DNAH14: variants seen among roughly 807,000 people sequenced by gnomAD.
DNAH14 encodes dynein axonemal heavy chain 14.
Under a neutral mutation model 520.9 loss-of-function variants are expected in DNAH14, and 478 were observed. The ratio of observed to expected loss-of-function variants is 0.92; its 90% CI spans 0.85 to 0.99. The LOEUF is 0.99. Ranked by LOEUF, DNAH14 falls within the 50% of genes least tolerant of loss-of-function variation. DNAH14 has a pLI of 0.00. For synonymous variants in DNAH14, 1,581 were observed against 1,757.2 expected (o/e 0.90, Z 2.51); for missense variants, 4,831 against 5,234.5 (o/e 0.92, Z 2.38).
intron 41 of DNAH14, among the ~76,000 whole-genome samples, chr1:225,225,062 C>T (rs2090412784): frequency 6.6e-6 from 1 of 152,200 alleles, no homozygotes; most frequent in Non-Finnish European, 1.5e-5. Flanking sequence ...TACGACATCA[C>T]TGCTTGACCA....
At chr1:225,085,008 A>C (rs565357523) in intron 20 of DNAH14, among the ~76,000 whole-genome samples, 2 of 152,176 alleles carry the variant, frequency 1.3e-5, no homozygotes, top group East Asian at 3.9e-4. Flanking sequence ...ACCATCCTTA[A>C]TAATTCATCT....
chr1:225,315,429 G>A (rs939430874), intron 60 of DNAH14, among the ~76,000 whole-genome samples: 1 of 151,906 alleles, frequency 6.6e-6, no homozygotes, highest in African/African-American at 2.4e-5. Flanking sequence ...ACCTTCTGAA[G>A]CCTACTTTTG....
Position 225,064,525 on chromosome 1 carries a change from A to G in DNAH14, c.2424+12730A>G, listed in dbSNP as rs939259638. Among the ~76,000 whole-genome samples, 5 of 152,136 alleles carry G rather than the reference A, an allele frequency of 3.3e-5. No homozygotes were observed. The South Asian group carries it at 8.3e-4, about 25-fold the overall frequency. On this transcript the variant is annotated intron_variant, in intron 17 of 85. Coordinates refer to ENST00000682510, the MANE Select transcript of DNAH14 (RefSeq NM_001367479.1). The stretch of plus-strand genomic sequence containing the variant: ...CTGAAAACAATCCAAGTGTATATCA[A>G]TAGGTGAACAGATAAGAAAAATTTG...
intron 75 of DNAH14, among the ~76,000 whole-genome samples, chr1:225,362,604 A>T: frequency 6.6e-6 from 1 of 151,578 alleles, no homozygotes; most frequent in Non-Finnish European, 1.5e-5. Flanking sequence ...CAGCATCACT[A>T]ATCATTAGGG....
chr1:225,152,607 A>G, intron 32 of DNAH14, 90 bp from the exon 33 acceptor site: 1 of 1,187,940 alleles, frequency 8.4e-7, no homozygotes, highest in South Asian at 1.6e-5. Context: ...CAGAACACCA[A>G]TATAATTATT....
In DNAH14 at chr1:225,043,905, A is replaced by G. The variant is rs945889901; in HGVS notation, c.1834A>G (p.Asn612Asp). The G allele has an allele frequency of 1.0e-5, 16 of 1,528,016 alleles. No homozygotes were observed. The East Asian group carries it at 3.9e-4, about 38-fold the overall frequency. 94.7% of individuals were successfully genotyped at this position (1,528,016 alleles called of 1,614,324 possible). Residue 612 changes from asparagine (N) to aspartate (D), a missense_variant, in exon 15 of 86, where the codon AAT (asparagine) becomes GAT (aspartate). Physicochemically the swap from Asn to Asp is conservative, Grantham distance 23 (BLOSUM62 1). Transcript: ENST00000682510. ...MYYEFPEFPT[N>D]LFIDPNRLEF... ...TGTTAGATTTCCAGAATTTCCTACA[A>G]ATCTCTTTATAGATCCCAACAGATT... is the stretch of plus-strand genomic sequence containing the variant.
In DNAH14 at chr1:225,240,189, T is replaced by C. The variant is rs1349896736; in HGVS notation, c.6519-404T>C. 4.0e-5 allele frequency among the ~76,000 whole-genome samples: 6 copies of C among 151,760 alleles called. No homozygotes were observed. In the East Asian group the frequency reaches 1.2e-3, roughly 29 times the overall value. ...AAAATACAGATAAACTGTCAGCTAA[T>C]GAACTGACCTAAAATAAAAATGAAA... On this transcript the variant is annotated intron_variant, in intron 42 of 85. Coordinates refer to ENST00000682510, the MANE Select transcript of DNAH14 (RefSeq NM_001367479.1).
intron 23 of DNAH14, among the ~76,000 whole-genome samples, chr1:225,109,844 G>A (rs1434434119): frequency 6.6e-6 from 1 of 152,082 alleles, no homozygotes; most frequent in Non-Finnish European, 1.5e-5. Context: ...TACTAGCTGT[G>A]AGTCTGTAAT....
intron 71 of DNAH14, among the ~76,000 whole-genome samples, chr1:225,348,811 T>TAA (rs2095323844): frequency 6.6e-6 from 1 of 152,174 alleles, no homozygotes; most frequent in Non-Finnish European, 1.5e-5. Context: ...GGTAAATATG[T>TAA]GGATAAAGAT....
chr1:225,335,952 T>C (rs1362705193), intron 66 of DNAH14, among the ~76,000 whole-genome samples: 1 of 144,708 alleles, frequency 6.9e-6, no homozygotes, highest in Non-Finnish European at 1.5e-5. Flanking sequence ...TATATGTATA[T>C]ATACACATAT....
intron 73 of DNAH14, among the ~76,000 whole-genome samples, chr1:225,354,897 TTCTC>T (rs543792166): frequency 9.4e-4 from 143 of 152,318 alleles, no homozygotes; most frequent in African/African-American, 3.3e-3. Flanking sequence ...ACTTTAAAAA[TTCTC>T]TCTATGTAGA....
At chr1:225,058,620 G>A (rs2069517542) in intron 17 of DNAH14, among the ~76,000 whole-genome samples, 1 of 152,152 alleles carries the variant, frequency 6.6e-6, no homozygotes, top group Admixed American at 6.5e-5. Flanking sequence ...TAATTGTGAT[G>A]TTAGGGTGTC....
intron 19 of DNAH14, among the ~76,000 whole-genome samples, chr1:225,081,409 C>G (rs910623613): frequency 1.3e-5 from 2 of 152,058 alleles, no homozygotes; most frequent in Admixed American, 1.3e-4. Flanking sequence ...GAAAAGAGAA[C>G]AATTGGGGGC....
chr1:225,318,164 A>G (rs1166958214), intron 60 of DNAH14, among the ~76,000 whole-genome samples: 1 of 152,344 alleles, frequency 6.6e-6, no homozygotes, highest in Non-Finnish European at 1.5e-5. Flanking sequence ...AAATGAAAAC[A>G]TATGACCCTG....
At chr1:225,310,177 G>GGTTTT (rs890305401) in intron 60 of DNAH14, among the ~76,000 whole-genome samples, 8 of 151,808 alleles carry the variant, frequency 5.3e-5, no homozygotes, top group Admixed American at 1.3e-4. Flanking sequence ...TGTTTTGCAT[G>GGTTTT]GTTTTGTTTT....
chr1:225,299,201 T>G (rs1195829846), intron 55 of DNAH14, among the ~76,000 whole-genome samples: 1 of 152,228 alleles, frequency 6.6e-6, no homozygotes, highest in African/African-American at 2.4e-5. Flanking sequence ...CTTTTTTTTG[T>G]TCTGTTATTT....
chr1:224,942,260 C>G lies in DNAH14; in HGVS notation c.-33-10410C>G, dbSNP rs564639727. Among the ~76,000 whole-genome samples the G allele has an allele frequency of 5.3e-5, 8 of 152,200 alleles. No individual in the cohort carries two copies. The South Asian group carries it at 1.7e-3, about 32-fold the overall frequency. On this transcript the variant is annotated intron_variant, in intron 1 of 85. Coordinates refer to ENST00000682510, the MANE Select transcript of DNAH14 (RefSeq NM_001367479.1). ...GTTGGATTCCTAGGTATTTTATTCT[C>G]TTTGAAGCAATTGTGAATGGGAGTT... is the stretch of plus-strand genomic sequence containing the variant.
intron 27 of DNAH14, among the ~76,000 whole-genome samples, chr1:225,131,440 G>A (rs1206123631): frequency 2.0e-5 from 3 of 152,108 alleles, no homozygotes; most frequent in Non-Finnish European, 4.4e-5. Context: ...CATTTTCAAA[G>A]TCAGCAATGT....
At position 225,367,983 on chromosome 1, in the gene DNAH14, G is replaced by T; in HGVS notation, c.12269G>T (p.Gly4090Val). Residue 4090 changes from glycine to valine, a missense_variant, in exon 77 of 86, where the codon GGA (glycine) becomes GTA (valine). Physicochemically the swap from Gly to Val is moderately radical, Grantham distance 109 (BLOSUM62 -3). Coordinates refer to ENST00000682510, the MANE Select transcript of DNAH14 (RefSeq NM_001367479.1). ...NAVINERKNYGILGWNIAYKF... is the reference protein window; with the variant it reads ...NAVINERKNYVILGWNIAYKF... The stretch of plus-strand genomic sequence containing the variant: ...GTAATCAATGAAAGAAAAAATTACG[G>T]AATATTGGGCTGGAATATTGCTTAT... The T allele has an allele frequency of 6.4e-7, 1 of 1,551,076 alleles. No individual in the cohort carries two copies. Among genetic ancestry groups the T allele is most frequent in the South Asian group, 1.2e-5 (1 of 84,048 alleles).
Sources: allele counts gnomAD v4.1 joint callset (sites outside exome capture counted in the v4.1 genomes callset), GRCh38; gene constraint gnomAD v4.1.1; transcripts MANE v1.5; gene names NCBI Gene and HGNC (gene_info 2026-07-23, HGNC 2026-07-21).